The following FAM13A variants were observed in gnomAD, a reference collection of about 807,000 sequenced individuals.
FAM13A encodes the protein protein FAM13A.
Under a neutral mutation model 129.6 loss-of-function variants are expected in FAM13A, and 76 were observed. That is an observed-to-expected ratio of 0.59 (90% CI 0.49 to 0.71). The LOEUF is 0.71. FAM13A is among the 30% of genes least tolerant of loss of function. The probability of loss-of-function intolerance (pLI) is 0.00; values close to 1 mark genes in which losing one functional copy is unlikely to be tolerated. For synonymous variants in FAM13A, 443 were observed against 449.9 expected, an observed-to-expected ratio of 0.98 and a Z score of 0.20; for missense variants, 1,108 against 1,249.3, an observed-to-expected ratio of 0.89 and a Z score of 1.70.
At position 88,823,089 on chromosome 4, in the gene FAM13A, A is replaced by G. The variant is rs1732347911; in HGVS notation, c.1008-18037T>C. On this transcript the variant is annotated intron_variant, in intron 7 of 23. Coordinates refer to ENST00000264344, the MANE Select transcript of FAM13A (RefSeq NM_014883.4). ...GTCTGTACAGTGAACGTCTTCTTACAGTGGCTAAGCTGGGTTGGGGGCATG... is the reference window on the plus strand; with the variant it reads ...GTCTGTACAGTGAACGTCTTCTTACGGTGGCTAAGCTGGGTTGGGGGCATG... 21 of 1,596,000 alleles carry G rather than the reference A, an allele frequency of 1.3e-5. No homozygotes were observed. In the East Asian group the frequency reaches 4.5e-4, roughly 34 times the overall value.
At chr4:88,817,177 A>G (rs1042277196) in intron 7 of FAM13A, among the ~76,000 whole-genome samples, 1 of 152,258 alleles carries the variant, frequency 6.6e-6, no homozygotes, top group Non-Finnish European at 1.5e-5. Context: ...ATATGATTAC[A>G]TGCAAACTGT....
At chr4:88,898,783 T>C (rs1746769670) in intron 6 of FAM13A, among the ~76,000 whole-genome samples, 1 of 151,824 alleles carries the variant, frequency 6.6e-6, no homozygotes, top group Admixed American at 6.6e-5. Flanking sequence ...GATGTTGGCA[T>C]GGATGTGGTA....
At chr4:88,881,703 A>T (rs932883165) in intron 6 of FAM13A, among the ~76,000 whole-genome samples, 10 of 152,210 alleles carry the variant, frequency 6.6e-5, no homozygotes, top group African/African-American at 2.4e-4. Context: ...AGAAAGGTGA[A>T]GTCTAACTTA....
At chr4:88,945,990 G>GTGTGTGTGTGTGTA in intron 4 of FAM13A, among the ~76,000 whole-genome samples, 8 of 61,960 alleles carry the variant, frequency 1.3e-4, no homozygotes, top group Admixed American at 3.4e-4. Context: ...GTGTGTGTGT[G>GTGTGTGTGTGTGTA]TATATATATA....
At chr4:89,017,047 G>T (rs1033808945) in intron 3 of FAM13A, among the ~76,000 whole-genome samples, 4 of 152,184 alleles carry the variant, frequency 2.6e-5, no homozygotes, top group African/African-American at 9.7e-5. Context: ...TTGCCTAAAA[G>T]CAACAGGCTA....
intron 6 of FAM13A, among the ~76,000 whole-genome samples, chr4:88,895,003 T>G (rs1746038538): frequency 1.3e-5 from 2 of 152,236 alleles, no homozygotes; most frequent in South Asian, 4.1e-4. Flanking sequence ...TATATAGTTG[T>G]GCTTTTTATA....
rs1736480677 is a variant in FAM13A, at chr4:88,726,386, C to A, written c.*2147G>T. 6.6e-6 allele frequency: 1 copy of A among 152,114 alleles called. No homozygotes were observed. The highest frequency in any genetic ancestry group is 1.5e-5 in the Non-Finnish European group (1 of 67,966). 9.4% of individuals were successfully genotyped at this position (152,114 alleles called of 1,614,324 possible). A position where few individuals can be genotyped will look rare whatever the true frequency, so the allele number is the denominator to read the frequency against. On this transcript the variant is annotated 3_prime_UTR_variant, in exon 24 of 24. Transcript: ENST00000264344. ...TTTTATATAACTTACTTGGTGTTTT[C>A]TTTTATTGAATCATACAAATTCAAA... is the stretch of plus-strand genomic sequence containing the variant.
intron 3 of FAM13A, among the ~76,000 whole-genome samples, chr4:89,008,106 C>A (rs558985589): frequency 6.0e-4 from 91 of 151,318 alleles, no homozygotes; most frequent in Non-Finnish European, 1.0e-3. Context: ...ATTTATACCC[C>A]AGAGACTATC....
chr4:88,842,743 T>C (rs1202576736), intron 7 of FAM13A, among the ~76,000 whole-genome samples: 1 of 152,248 alleles, frequency 6.6e-6, no homozygotes. Flanking sequence ...TCTGAAGATA[T>C]GACAATACAT....
At chr4:88,731,897 C>T in intron 22 of FAM13A, 105 bp downstream of exon 22, 4 of 917,866 alleles carry the variant, frequency 4.4e-6, no homozygotes, top group Non-Finnish European at 6.4e-6. Context: ...CCCAGGTAGT[C>T]ACTTGTATTT....
At chr4:88,929,252 G>A (rs1413648408) in intron 5 of FAM13A, among the ~76,000 whole-genome samples, 2 of 151,912 alleles carry the variant, frequency 1.3e-5, no homozygotes, top group East Asian at 3.9e-4. Flanking sequence ...CTGCTGAAAT[G>A]TCCGATATTA....
intron 8 of FAM13A, among the ~76,000 whole-genome samples, chr4:88,799,201 T>G (rs1398293968): frequency 6.6e-6 from 1 of 152,200 alleles, no homozygotes; most frequent in Non-Finnish European, 1.5e-5. Context: ...ATTCCTCAGT[T>G]ATACTGTTGG....
intron 10 of FAM13A, among the ~76,000 whole-genome samples, chr4:88,782,955 C>T (rs546067272): frequency 6.6e-6 from 1 of 151,976 alleles, no homozygotes; most frequent in African/African-American, 2.4e-5. Context: ...GTTTTCCTAG[C>T]CTTTTTTTCT....
intron 4 of FAM13A, among the ~76,000 whole-genome samples, chr4:88,964,106 T>A (rs1397672406): frequency 6.6e-6 from 1 of 152,204 alleles, no homozygotes; most frequent in Non-Finnish European, 1.5e-5. Flanking sequence ...CTAGTTAGAT[T>A]AGGCAATAGG....
intron 3 of FAM13A, among the ~76,000 whole-genome samples, chr4:89,015,189 T>C (rs1766312529): frequency 6.6e-6 from 1 of 152,180 alleles, no homozygotes; most frequent in Non-Finnish European, 1.5e-5. Flanking sequence ...TGATAAGATG[T>C]TACCAACGAC....
chr4:88,813,206 A>G (rs548412260), intron 7 of FAM13A, among the ~76,000 whole-genome samples: 52 of 152,218 alleles, frequency 3.4e-4, no homozygotes, highest in African/African-American at 1.2e-3. Context: ...TTCTGGCTTG[A>G]GAGTAGGGGA....
rs148737203 is a variant in FAM13A at position 88,746,937 on chromosome 4, G to A, written c.2461C>T (p.Arg821Trp). 6.5e-5 allele frequency: 104 copies of A among 1,608,792 alleles called. No individual in the cohort carries two copies. The highest frequency in any genetic ancestry group is 1.6e-4 in the African/African-American group (12 of 74,800). The stretch of plus-strand genomic sequence containing the variant: ...AAATTTACTACATCACATACCGGCC[G>A]TCCATGAATGCTTTCATAATATAAC... ...ALLYYESIHG[R>W]PVTKNERQVM... The change falls in exon 19 of 24, where the codon CGG becomes TGG. Residue 821 changes from arginine (R) to tryptophan (W), a missense_variant. Arg to Trp is a moderately radical substitution (Grantham distance 101). Around this residue, in one of 3 missense-constraint regions of FAM13A, gnomAD observed 529 missense variants for 621.2 expected, o/e 0.85. Transcript: ENST00000264344.
chr4:89,015,593 T>A (rs1008097045), intron 3 of FAM13A, among the ~76,000 whole-genome samples: 1 of 152,230 alleles, frequency 6.6e-6, no homozygotes, highest in Non-Finnish European at 1.5e-5. Flanking sequence ...AAAATTTATT[T>A]CCTGATACAT....
intron 1 of FAM13A, among the ~76,000 whole-genome samples, chr4:89,053,161 A>G (rs1246905871): frequency 1.3e-5 from 2 of 152,196 alleles, no homozygotes; most frequent in Admixed American, 6.5e-5. Context: ...ATTCAGTCAA[A>G]TTCTTCACCA....
Sources: allele counts gnomAD v4.1 joint callset (sites outside exome capture counted in the v4.1 genomes callset), GRCh38; gene constraint gnomAD v4.1.1; regional missense constraint gnomAD v4.1.1; transcripts MANE v1.5; gene names NCBI Gene and HGNC (gene_info 2026-07-23, HGNC 2026-07-21).